Variants in UBAC2 observed in about 807,000 individuals in gnomAD.
The protein encoded by UBAC2 is UBA domain containing 2, also known as ubiquitin-associated domain-containing protein 2.
Under a neutral mutation model 44.0 loss-of-function variants are expected in UBAC2, and 26 were observed. The ratio of observed to expected loss-of-function variants is 0.59; its 90% CI spans 0.43 to 0.82. UBAC2 has a LOEUF of 0.82. Among genes scored for constraint, UBAC2 ranks in the 40% least tolerant of loss-of-function variants. UBAC2 has a pLI of 0.00. For missense variants in UBAC2, 329 were observed against 419.4 expected, an observed-to-expected ratio of 0.78 and a Z score of 1.88; for synonymous variants, 155 against 154.3, an observed-to-expected ratio of 1.00 and a Z score of -0.04.
chr13:99,267,505 A>C (rs1237787137), intron 4 of UBAC2, among the ~76,000 whole-genome samples: 1 of 152,198 alleles, frequency 6.6e-6, no homozygotes, highest in African/African-American at 2.4e-5. Context: ...TCATGACTTA[A>C]GCCGAAGCAG....
chr13:99,235,081 C>T lies in UBAC2; in HGVS notation c.32-3346C>T, dbSNP rs146871706. ...TGCTTTTAGTACAAGGCAGAGGTCACACTAGTCTCTCCTGGAAAACTGACC... is the reference window on the plus strand; with the variant it reads ...TGCTTTTAGTACAAGGCAGAGGTCATACTAGTCTCTCCTGGAAAACTGACC... On this transcript the variant is annotated intron_variant, in intron 1 of 8. Transcript: ENST00000403766. Among the ~76,000 whole-genome samples the T allele has an allele frequency of 2.3e-3, 346 of 152,198 alleles. 3 individuals are homozygous for T. The highest frequency in any genetic ancestry group is 9.1e-3 in the South Asian group (44 of 4,822).
In UBAC2 at chr13:99,280,830, CCTCT is replaced by C. The variant is rs36041704; in HGVS notation, c.390-33246_390-33243del. Among the ~76,000 whole-genome samples, 124 of 108,854 alleles carry C rather than the reference CCTCT, an allele frequency of 1.1e-3. 1 individual carries two copies. Among genetic ancestry groups the C allele is most frequent in the East Asian group, 4.0e-3 (12 of 3,018 alleles). 71.4% of individuals were successfully genotyped at this position (108,854 alleles called of 152,430 possible). ...TCCCTTCTTCCTTCCTTCTTCTTTC[CCTCT>C]CTCTCTCTCTCTCTCTCTCTTTCTC... On this transcript the variant is annotated intron_variant, in intron 4 of 8. Coordinates refer to ENST00000403766, the MANE Select transcript of UBAC2 (RefSeq NM_001144072.2).
At chr13:99,251,234 G>A (rs186810035) in intron 4 of UBAC2, among the ~76,000 whole-genome samples, 32 of 152,274 alleles carry the variant, frequency 2.1e-4, no homozygotes, top group Non-Finnish European at 1.2e-4. Context: ...TTGGCATCCC[G>A]AAACTCTAGT....
chr13:99,285,787 T>A (rs1267229813), intron 4 of UBAC2, among the ~76,000 whole-genome samples: 1 of 152,170 alleles, frequency 6.6e-6, no homozygotes, highest in African/African-American at 2.4e-5. Context: ...CTCCCTTGCC[T>A]GGAGTTCTGG....
intron 8 of UBAC2, among the ~76,000 whole-genome samples, chr13:99,368,431 G>T (rs558840211): frequency 1.3e-5 from 2 of 152,322 alleles, no homozygotes; most frequent in South Asian, 2.1e-4. Context: ...GTTTGTACCG[G>T]ATATACCCTC....
At chr13:99,325,648 C>A (rs1026109222) in intron 6 of UBAC2, among the ~76,000 whole-genome samples, 4 of 152,150 alleles carry the variant, frequency 2.6e-5, no homozygotes, top group Non-Finnish European at 2.9e-5. Flanking sequence ...GCTTATCGCT[C>A]TTGCTTAACT....
chr13:99,212,426 C>G (rs2042946006), intron 1 of UBAC2, among the ~76,000 whole-genome samples: 2 of 152,206 alleles, frequency 1.3e-5, no homozygotes, highest in African/African-American at 4.8e-5. Flanking sequence ...GCCATTGTTT[C>G]AGTCATTTCC....
rs762272405 is a variant in UBAC2, at chr13:99,296,144, A to G, written c.390-17953A>G. The G allele has an allele frequency of 4.4e-6, 7 of 1,589,462 alleles. 1 individual carries two copies. In the Admixed American group the frequency reaches 8.8e-5, roughly 20 times the overall value. ...AAAATTGTTTGCCATTTGTATATCC[A>G]TTGGTGGTGGTCCAGGTGTCTAGAA... On this transcript the variant is annotated intron_variant, in intron 4 of 8. Transcript: ENST00000403766.
At chr13:99,316,860 C>T (rs1222377742) in intron 5 of UBAC2, among the ~76,000 whole-genome samples, 1 of 152,232 alleles carries the variant, frequency 6.6e-6, no homozygotes, top group Non-Finnish European at 1.5e-5. Context: ...TGCTTAACCA[C>T]TCGGTTTTAC....
chr13:99,342,654 T>C (rs151087669), intron 7 of UBAC2, among the ~76,000 whole-genome samples: 1 of 152,308 alleles, frequency 6.6e-6, no homozygotes, highest in African/African-American at 2.4e-5. Flanking sequence ...CTGTCCACCT[T>C]CCATTTGGTG....
intron 1 of UBAC2, among the ~76,000 whole-genome samples, chr13:99,211,432 A>G (rs1351338260): frequency 6.6e-6 from 1 of 152,238 alleles, no homozygotes. Flanking sequence ...AAGAATCATT[A>G]TTTAAACAAG....
intron 5 of UBAC2, among the ~76,000 whole-genome samples, chr13:99,316,294 ACTC>A (rs1458086964): frequency 2.0e-5 from 3 of 151,442 alleles, no homozygotes; most frequent in African/African-American, 4.8e-5. Flanking sequence ...GTGTAACTGA[ACTC>A]CTTTGTGCTA....
At chr13:99,239,006 C>T (rs1326194342) in intron 2 of UBAC2, among the ~76,000 whole-genome samples, 1 of 152,180 alleles carries the variant, frequency 6.6e-6, no homozygotes, top group Non-Finnish European at 1.5e-5. Context: ...TCTTGAGTTT[C>T]TGCTGTGGGA....
intron 6 of UBAC2, among the ~76,000 whole-genome samples, chr13:99,332,771 T>C (rs2044734298): frequency 6.6e-6 from 1 of 152,212 alleles, no homozygotes; most frequent in South Asian, 2.1e-4. Context: ...CTGCCTTCTT[T>C]TTCAGTGGCC....
intron 6 of UBAC2, among the ~76,000 whole-genome samples, chr13:99,325,750 G>T (rs1036285056): frequency 5.3e-5 from 8 of 152,124 alleles, no homozygotes; most frequent in Admixed American, 3.3e-4. Flanking sequence ...CTGTGAAATT[G>T]ACTATCTTAT....
chr13:99,237,998 A>T (rs2043258623), intron 1 of UBAC2, among the ~76,000 whole-genome samples: 1 of 152,234 alleles, frequency 6.6e-6, no homozygotes, highest in Admixed American at 6.5e-5. Context: ...TGTACTCCCA[A>T]AATGTGTTCC....
At chr13:99,213,719 C>T (rs2042960376) in intron 1 of UBAC2, among the ~76,000 whole-genome samples, 1 of 152,038 alleles carries the variant, frequency 6.6e-6, no homozygotes. Flanking sequence ...CCGTTAGAAA[C>T]ACTTAGAACA....
chr13:99,262,216 C>G (rs939827647), intron 4 of UBAC2, among the ~76,000 whole-genome samples: 2 of 152,082 alleles, frequency 1.3e-5, no homozygotes, highest in African/African-American at 4.8e-5. Flanking sequence ...TCCCAAAACA[C>G]AAAGGTACTG....
chr13:99,255,704 C>T, intron 4 of UBAC2: 1 of 1,614,002 alleles, frequency 6.2e-7, no homozygotes. Flanking sequence ...TAGATGGTTA[C>T]CGTGGTTCTC....
Sources: gnomAD v4.1 joint callset for allele counts (sites outside exome capture counted in the v4.1 genomes callset) on GRCh38, gnomAD v4.1.1 for gene constraint, MANE v1.5 for transcripts, NCBI Gene and HGNC (gene_info 2026-07-23, HGNC 2026-07-21) for gene names.